MAP3K5: variants seen among roughly 807,000 people sequenced by gnomAD.
MAP3K5 encodes mitogen-activated protein kinase kinase kinase 5.
A neutral mutation model predicts 158.7 loss-of-function variants in MAP3K5; 56 were observed. The observed-to-expected ratio is 0.35, with a 90% CI of 0.28 to 0.44. The LOEUF (loss-of-function observed/expected upper bound fraction) is 0.44, where lower values mean the gene tolerates loss of function less well. MAP3K5 is among the 20% of genes least tolerant of loss of function. The pLI, the probability that MAP3K5 is intolerant of heterozygous loss-of-function variation, is 1.00. For synonymous variants in MAP3K5, 579 were observed against 601.7 expected, an observed-to-expected ratio of 0.96 and a Z score of 0.55; for missense variants, 1,294 against 1,674.8, an observed-to-expected ratio of 0.77 and a Z score of 3.97.
intron 25 of MAP3K5, among the ~76,000 whole-genome samples, chr6:136,574,094 C>T (rs764202101): frequency 6.6e-6 from 1 of 152,072 alleles, no homozygotes; most frequent in Non-Finnish European, 1.5e-5. Context: ...TCATACCTGG[C>T]TAATATTTGT....
chr6:136,664,665 C>T (rs1260674164), intron 8 of MAP3K5, among the ~76,000 whole-genome samples: 1 of 152,166 alleles, frequency 6.6e-6, no homozygotes, highest in South Asian at 2.1e-4. Flanking sequence ...ACAAGAGTTG[C>T]TGTACACTCG....
At chr6:136,673,356 G>C (rs1395139180) in intron 7 of MAP3K5, among the ~76,000 whole-genome samples, 1 of 152,114 alleles carries the variant, frequency 6.6e-6, no homozygotes, top group Non-Finnish European at 1.5e-5. Flanking sequence ...AAATGTCTGG[G>C]ATACGAGACA....
intron 29 of MAP3K5, among the ~76,000 whole-genome samples, chr6:136,558,064 T>C (rs1201060630): frequency 2.0e-5 from 3 of 152,230 alleles, no homozygotes; most frequent in African/African-American, 7.2e-5. Context: ...GAAATTTGTC[T>C]TTATAATGGT....
At chr6:136,581,620 CA>C in intron 24 of MAP3K5, among the ~76,000 whole-genome samples, 1 of 152,222 alleles carries the variant, frequency 6.6e-6, no homozygotes, top group Non-Finnish European at 1.5e-5. Flanking sequence ...TCCAGTTGCT[CA>C]TGCCTGTCCT....
At chr6:136,693,857 G>A (rs550269038) in intron 7 of MAP3K5, among the ~76,000 whole-genome samples, 8 of 152,082 alleles carry the variant, frequency 5.3e-5, no homozygotes, top group South Asian at 2.1e-4. Flanking sequence ...GCGTGGTGGC[G>A]GGCACCTGTA....
At chr6:136,611,478 G>A in intron 17 of MAP3K5, 91 bp from the exon 18 acceptor site, 3 of 649,416 alleles carry the variant, frequency 4.6e-6, no homozygotes, top group South Asian at 2.1e-5. Context: ...AAAAAAAAAA[G>A]GTGTCCTTAC....
intron 1 of MAP3K5, among the ~76,000 whole-genome samples, chr6:136,779,331 T>C (rs751294349): frequency 6.6e-6 from 1 of 150,608 alleles, no homozygotes; most frequent in Non-Finnish European, 1.5e-5. Context: ...TAGTCCCAGC[T>C]ACGTGGGAGG....
At chr6:136,707,816 A>T (rs376522329) in intron 2 of MAP3K5, among the ~76,000 whole-genome samples, 6 of 152,340 alleles carry the variant, frequency 3.9e-5, no homozygotes, top group East Asian at 3.9e-4. Context: ...AATGGCCATA[A>T]TCTAAAAACT....
At position 136,648,721 on chromosome 6, in the gene MAP3K5, T is replaced by C. The variant is rs190463486; in HGVS notation, c.1788+2263A>G. Among the ~76,000 whole-genome samples, 222 of 152,308 alleles carry C rather than the reference T, an allele frequency of 1.5e-3. 1 individual carries two copies. The highest frequency in any genetic ancestry group is 6.8e-3 in the Middle Eastern group (2 of 294). ...TTCCTAGAAACTATAGCACCGGGAC[T>C]GGTGATTTCTTGCCACTCTGGTAGA... On this transcript the variant is annotated intron_variant, in intron 11 of 29. Coordinates refer to ENST00000359015, the MANE Select transcript of MAP3K5 (RefSeq NM_005923.4).
At chr6:136,784,532 A>T (rs546151198) in intron 1 of MAP3K5, among the ~76,000 whole-genome samples, 45 of 152,196 alleles carry the variant, frequency 3.0e-4, no homozygotes, top group African/African-American at 9.6e-4. Context: ...GGATTTTTTT[A>T]AAAAATCCTT....
intron 14 of MAP3K5, among the ~76,000 whole-genome samples, chr6:136,636,546 T>C (rs1299826575): frequency 6.6e-6 from 1 of 152,184 alleles, no homozygotes; most frequent in Non-Finnish European, 1.5e-5. Context: ...TTGAAGATGC[T>C]GGAGTCAGCA....
At chr6:136,701,511 G>A (rs537262415) in intron 3 of MAP3K5, among the ~76,000 whole-genome samples, 1 of 152,208 alleles carries the variant, frequency 6.6e-6, no homozygotes, top group Non-Finnish European at 1.5e-5. Flanking sequence ...ATTAGAAGAG[G>A]AAACAATAAT....
At position 136,663,606 on chromosome 6, in the gene MAP3K5, C is replaced by CTTT. The variant is rs145415185; in HGVS notation, c.1367-4231_1367-4229dup. Among the ~76,000 whole-genome samples, 16 of 121,466 alleles carry CTTT rather than the reference C, an allele frequency of 1.3e-4. 1 individual carries two copies. The East Asian group carries it at 1.7e-3, about 13-fold the overall frequency. The allele number at this position is 121,466 out of a possible 152,430, so 79.7% of individuals were successfully genotyped here. A position where few individuals can be genotyped will look rare whatever the true frequency, so the allele number is the denominator to read the frequency against. The stretch of plus-strand genomic sequence containing the variant: ...AGTTTTTATGTCTCTAAATTTCTCA[C>CTTT]TTTTTTTTTTTTTTTTTTTTGGAGA... On this transcript the variant is annotated intron_variant, in intron 8 of 29. Coordinates refer to ENST00000359015, the MANE Select transcript of MAP3K5 (RefSeq NM_005923.4).
Position 136,792,168 on chromosome 6 carries a change from C to A in MAP3K5, c.-11G>T. On this transcript the variant is annotated 5_prime_UTR_variant, in exon 1 of 30. Transcript: ENST00000359015. The surrounding 1 kb of genome is among the most constrained non-coding windows in gnomAD (Gnocchi z 5.7). ...CGCCTCCGTGCTCATCTCTCCGGGCCGGGCAGCAACGGCGGCGGCGTCCCC... is the reference window on the plus strand; with the variant it reads ...CGCCTCCGTGCTCATCTCTCCGGGCAGGGCAGCAACGGCGGCGGCGTCCCC... 6.5e-7 allele frequency: 1 copy of A among 1,538,874 alleles called. No homozygotes were observed. The highest frequency in any genetic ancestry group is 1.2e-5 in the South Asian group (1 of 84,262).
chr6:136,583,568 C>A lies in MAP3K5; in HGVS notation c.3398G>T (p.Gly1133Val), dbSNP rs1317468332. ...GISQVQVVLF[G>V]FQDAVNKVLR... ...TATCATACTTACAGCATCTTGAAAA[C>A]CAAAGAGTACCACCTGGACTTGGCT... The change falls in exon 24 of 30, where the codon GGT (glycine) becomes GTT (valine). Residue 1133 changes from glycine (G) to valine (V), a missense_variant. Transcript: ENST00000359015. 7 of 1,613,134 alleles carry A rather than the reference C, an allele frequency of 4.3e-6. No homozygotes were observed. The highest frequency in any genetic ancestry group is 5.9e-6 in the Non-Finnish European group (7 of 1,179,644).
At chr6:136,781,311 C>A (rs1375697744) in intron 1 of MAP3K5, among the ~76,000 whole-genome samples, 1 of 152,182 alleles carries the variant, frequency 6.6e-6, no homozygotes. Context: ...CTTGTTGACA[C>A]TGATCGAAAA....
chr6:136,628,264 A>T (rs892386027), intron 14 of MAP3K5, among the ~76,000 whole-genome samples: 1 of 152,108 alleles, frequency 6.6e-6, no homozygotes, highest in Admixed American at 6.5e-5. Flanking sequence ...GGTGTACAGC[A>T]CTATGTCCAG....
intron 21 of MAP3K5, among the ~76,000 whole-genome samples, chr6:136,598,655 C>T (rs1001938939): frequency 6.6e-6 from 1 of 152,214 alleles, no homozygotes; most frequent in African/African-American, 2.4e-5. Flanking sequence ...TCACCACCCT[C>T]TTACTCCCCT....
intron 7 of MAP3K5, among the ~76,000 whole-genome samples, chr6:136,684,559 A>G (rs1780064958): frequency 6.6e-6 from 1 of 152,122 alleles, no homozygotes; most frequent in South Asian, 2.1e-4. Context: ...GATCATCTCC[A>G]GGGGTTAAGT....
Sources: allele counts gnomAD v4.1 joint callset (sites outside exome capture counted in the v4.1 genomes callset), GRCh38; gene constraint gnomAD v4.1.1; non-coding constraint Gnocchi (gnomAD v3.1); transcripts MANE v1.5; gene names NCBI Gene and HGNC (gene_info 2026-07-23, HGNC 2026-07-21).